Variants in MTMR3 observed in about 807,000 individuals in gnomAD.
MTMR3 encodes myotubularin related protein 3, also known as phosphatidylinositol-3,5-bisphosphate 3-phosphatase MTMR3.
A neutral mutation model predicts 132.4 loss-of-function variants in MTMR3; 32 were observed. The ratio of observed to expected loss-of-function variants is 0.24; its 90% CI spans 0.18 to 0.32. The LOEUF is 0.32. Ranked by LOEUF, MTMR3 falls within the 10% of genes least tolerant of loss-of-function variation. MTMR3 has a pLI of 1.00. For missense variants in MTMR3, 1,216 were observed against 1,489.6 expected (o/e 0.82, Z 3.02); for synonymous variants, 556 against 550.3 (o/e 1.01, Z -0.14).
intron 5 of MTMR3, 161 bp downstream of exon 5, chr22:29,979,213 C>T (rs536662490): frequency 2.7e-5 from 15 of 545,946 alleles, no homozygotes; most frequent in African/African-American, 2.7e-4. Flanking sequence ...ACTGGCTTGG[C>T]CAGGCGCGGT....
At chr22:29,945,470 A>G (rs1040272369) in intron 1 of MTMR3, among the ~76,000 whole-genome samples, 3 of 152,056 alleles carry the variant, frequency 2.0e-5, no homozygotes, top group Non-Finnish European at 4.4e-5. Flanking sequence ...TGAGAGGCCA[A>G]GGTGGGAGGA....
At chr22:29,891,971 C>T (rs1398724700) in intron 1 of MTMR3, among the ~76,000 whole-genome samples, 2 of 151,752 alleles carry the variant, frequency 1.3e-5, no homozygotes, top group African/African-American at 2.4e-5. Context: ...TGGCTAACAC[C>T]GTGAAACCCG....
At chr22:29,922,522 T>A (rs779821228) in intron 1 of MTMR3, among the ~76,000 whole-genome samples, 2 of 152,226 alleles carry the variant, frequency 1.3e-5, no homozygotes, top group East Asian at 3.8e-4. Flanking sequence ...ATTGGAATTA[T>A]TTTTGTTTAC....
intron 13 of MTMR3, 28 bp from the exon 14 acceptor site, chr22:30,013,328 A>G (rs753997516): frequency 1.2e-6 from 2 of 1,611,074 alleles, no homozygotes; most frequent in East Asian, 2.2e-5. Flanking sequence ...TCTAGCACAA[A>G]TGGTCTCTCC....
At chr22:30,006,355 T>C (rs924243493) in intron 9 of MTMR3, 8 of 152,186 alleles carry the variant, frequency 5.3e-5, no homozygotes, top group Non-Finnish European at 1.2e-4. Context: ...ATAAGAGCAG[T>C]CTGTGACTCA....
At chr22:29,957,766 T>G (rs1043440679) in intron 2 of MTMR3, among the ~76,000 whole-genome samples, 1 of 152,178 alleles carries the variant, frequency 6.6e-6, no homozygotes, top group Non-Finnish European at 1.5e-5. Context: ...CTAGAGTTAG[T>G]TCAGCAGTTC....
rs374032792 is a variant in MTMR3 at position 29,991,569 on chromosome 22, C to T, written c.359C>T (p.Pro120Leu). The change falls in exon 7 of 20, where the codon CCA (proline) becomes CTA (leucine). Residue 120 changes from proline (P) to leucine (L), a missense_variant. By Grantham distance (98) the Pro-to-Leu change is moderately conservative. Transcript: ENST00000401950. ...WLKRLNNAIR[P>L]PAKIEDLFSF... is the part of the protein sequence containing the mutation. ...AAGAGACTGAACAACGCAATCCGAC[C>T]ACCTGCTAAAATAGAAGATCTCTTC... 3.7e-6 allele frequency: 6 copies of T among 1,613,924 alleles called. No individual in the cohort carries two copies. The highest frequency in any genetic ancestry group is 3.3e-5 in the Admixed American group (2 of 59,994).
chr22:29,894,981 G>A (rs1314108770), intron 1 of MTMR3, among the ~76,000 whole-genome samples: 1 of 152,228 alleles, frequency 6.6e-6, no homozygotes, highest in East Asian at 1.9e-4. Context: ...GGGAGGCCAA[G>A]GTGGGCAGGT....
chr22:30,026,563 G>A lies in MTMR3; in HGVS notation c.*762G>A. ...CTTGGGCTCCTTTTACTTTCAGGGG[G>A]CTGCTTTCCTGGGCCAGGCTGTGTA... is the stretch of plus-strand genomic sequence containing the variant. On this transcript the variant is annotated 3_prime_UTR_variant, in exon 20 of 20. Transcript: ENST00000401950. 1 of 153,168 alleles carries A rather than the reference G, an allele frequency of 6.5e-6. No homozygotes were observed. The highest frequency in any genetic ancestry group is 1.5e-5 in the Non-Finnish European group (1 of 68,572). 9.5% of individuals were successfully genotyped at this position (153,168 alleles called of 1,614,324 possible). A position where few individuals can be genotyped will look rare whatever the true frequency, so the allele number is the denominator to read the frequency against.
Position 30,019,521 on chromosome 22 carries a change from G to A in MTMR3, c.1862G>A (p.Cys621Tyr). 2 of 1,610,678 alleles carry A rather than the reference G, an allele frequency of 1.2e-6. No individual in the cohort carries two copies. Among genetic ancestry groups the A allele is most frequent in the South Asian group, 1.1e-5 (1 of 91,080 alleles). ...TCATACGACAATCTGACCACAGCCTGTGACAACACAGTGCCTCTGGCCAGC... is the reference window on the plus strand; with the variant it reads ...TCATACGACAATCTGACCACAGCCTATGACAACACAGTGCCTCTGGCCAGC... ...TRSYDNLTTACDNTVPLASRR... is the reference protein window; with the variant it reads ...TRSYDNLTTAYDNTVPLASRR... Residue 621 changes from cysteine (C) to tyrosine (Y), a missense_variant, in exon 17 of 20, where the codon TGT (cysteine) becomes TAT (tyrosine). This residue lies in a region of MTMR3 where 852 missense variants were observed against 852.0 expected (regional missense o/e 1.00). Transcript: ENST00000401950.
chr22:29,987,207 A>G (rs2145902490), intron 5 of MTMR3: 1 of 152,330 alleles, frequency 6.6e-6, no homozygotes, highest in South Asian at 2.1e-4. Flanking sequence ...CCCCTGCTCC[A>G]GTTTCTGTTT....
chr22:29,911,402 G>A (rs764499694), intron 1 of MTMR3, among the ~76,000 whole-genome samples: 1 of 152,046 alleles, frequency 6.6e-6, no homozygotes, highest in Non-Finnish European at 1.5e-5. Flanking sequence ...AATTAGCCAG[G>A]TGTGGTAGCA....
rs1194177005 is a variant in MTMR3 at position 29,883,252 on chromosome 22, C to G, written c.-245C>G. On this transcript the variant is annotated 5_prime_UTR_variant, in exon 1 of 20. Coordinates refer to ENST00000401950, the MANE Select transcript of MTMR3 (RefSeq NM_021090.4). ...GCGGCGGAGTAGCAGCCGGACGAGA[C>G]GTCCCAGCGGCTCAGGCGCTGCCCA... is the stretch of plus-strand genomic sequence containing the variant. 1.3e-5 allele frequency: 2 copies of G among 153,530 alleles called. No individual in the cohort carries two copies. Among genetic ancestry groups the G allele is most frequent in the Non-Finnish European group, 2.9e-5 (2 of 68,914 alleles). The allele number at this position is 153,530 out of a possible 1,614,324, so 9.5% of individuals were successfully genotyped here. A position where few individuals can be genotyped will look rare whatever the true frequency, so the allele number is the denominator to read the frequency against.
At chr22:29,910,618 G>A (rs1177763275) in intron 1 of MTMR3, among the ~76,000 whole-genome samples, 1 of 151,836 alleles carries the variant, frequency 6.6e-6, no homozygotes, top group African/African-American at 2.4e-5. Flanking sequence ...TCAAATTTGT[G>A]CTGTTATTGA....
At position 30,020,513 on chromosome 22, in the gene MTMR3, C is replaced by T. The variant is rs1601436728; in HGVS notation, c.2854C>T (p.Pro952Ser). The change falls in exon 17 of 20, where the codon CCC becomes TCC. Residue 952 changes from proline (P) to serine (S), a missense_variant. Physicochemically the swap from Pro to Ser is moderately conservative, Grantham distance 74. Transcript: ENST00000401950. ...PPGLSTLQMY[P>S]TPNGHCANGE... Reference sequence around the variant, plus strand: ...AGGTCTTAGCACCCTCCAGATGTACCCCACACCCAATGGGCATTGCGCCAA... The same window carrying T: ...AGGTCTTAGCACCCTCCAGATGTACTCCACACCCAATGGGCATTGCGCCAA... 6.2e-7 allele frequency: 1 copy of T among 1,614,154 alleles called. No homozygotes were observed. Among genetic ancestry groups the T allele is most frequent in the Non-Finnish European group, 8.5e-7 (1 of 1,180,030 alleles).
chr22:29,949,143 ACCCCCCCC>A (rs1159749194), intron 1 of MTMR3, among the ~76,000 whole-genome samples: 214 of 14,674 alleles, frequency 0.015, 9 homozygotes, highest in East Asian at 0.048. Context: ...ACACACACAC[ACCCCCCCC>A]CCCCCCCCCG....
chr22:30,007,700 T>A (rs1245477845), intron 10 of MTMR3: 2 of 630,410 alleles, frequency 3.2e-6, no homozygotes, highest in Non-Finnish European at 5.3e-6. Flanking sequence ...GGAGTCAGTT[T>A]TGGAGAATAA....
intron 1 of MTMR3, among the ~76,000 whole-genome samples, chr22:29,916,885 T>C (rs991698689): frequency 1.3e-5 from 2 of 152,224 alleles, no homozygotes; most frequent in Non-Finnish European, 2.9e-5. Context: ...GATCTGCTAC[T>C]TTACCAATTG....
At chr22:30,021,945 C>G (rs888680468) in intron 17 of MTMR3, 84 bp from the exon 18 acceptor site, 33 of 1,092,360 alleles carry the variant, frequency 3.0e-5, no homozygotes, top group Non-Finnish European at 4.6e-5. Flanking sequence ...CCAGAGTCCT[C>G]AGTTCTCCCT....
Sources: gnomAD v4.1 joint callset for allele counts (sites outside exome capture counted in the v4.1 genomes callset) on GRCh38, gnomAD v4.1.1 for gene constraint, gnomAD v4.1.1 regional missense constraint, MANE v1.5 for transcripts, NCBI Gene and HGNC (gene_info 2026-07-23, HGNC 2026-07-21) for gene names.